The following PARN variants were observed in gnomAD, a reference collection of about 807,000 sequenced individuals.
PARN encodes the protein poly(A)-specific ribonuclease PARN.
Under a neutral mutation model 102.8 loss-of-function variants are expected in PARN, and 71 were observed. That is an observed-to-expected ratio of 0.69 (90% CI 0.57 to 0.84). The LOEUF (loss-of-function observed/expected upper bound fraction) is 0.84. PARN is among the 40% of genes least tolerant of loss of function. The pLI is 0.00. For synonymous variants in PARN, 261 were observed against 252.9 expected (o/e 1.03, Z -0.30); for missense variants, 782 against 760.9 (o/e 1.03, Z -0.33).
At position 14,593,492 on chromosome 16, in the gene PARN, TAAAAAAAAAAAAAAAAAAA is replaced by T. The variant is rs35329440; in HGVS notation, c.841-133_841-115del. The T allele has an allele frequency of 2.5e-3, 78 of 31,812 alleles. 9 individuals carry two copies. In the East Asian group the frequency reaches 0.072, roughly 29 times the overall value. The allele number at this position is 31,812 out of a possible 1,614,324, so 2.0% of individuals were successfully genotyped here. A position where few individuals can be genotyped will look rare whatever the true frequency, so the allele number is the denominator to read the frequency against. On this transcript the variant is annotated intron_variant, in intron 12 of 23. Transcript: ENST00000437198. Reference sequence around the variant, plus strand: ...TTGTACTAAACTCGCTTTCCAGACTTAAAAAAAAAAAAAAAAAAAAAAAAAAAAAAAGTACAAATAAGCT... The same window carrying T: ...TTGTACTAAACTCGCTTTCCAGACTTAAAAAAAAAAAAGTACAAATAAGCT...
At chr16:14,440,395 C>T (rs1462689081) in intron 23 of PARN, among the ~76,000 whole-genome samples, 1 of 152,188 alleles carries the variant, frequency 6.6e-6, no homozygotes, top group Non-Finnish European at 1.5e-5. Context: ...GCCTTGTATA[C>T]TGCTGGGGGA....
chr16:14,617,038 T>C (rs1187799281), intron 6 of PARN, among the ~76,000 whole-genome samples: 1 of 151,096 alleles, frequency 6.6e-6, no homozygotes, highest in Non-Finnish European at 1.5e-5. Context: ...GTATCTATTC[T>C]GTTTAGCTCA....
chr16:14,472,425 T>C (rs1157585980), intron 22 of PARN, among the ~76,000 whole-genome samples: 1 of 152,196 alleles, frequency 6.6e-6, no homozygotes, highest in African/African-American at 2.4e-5. Flanking sequence ...GTGGGGGTGG[T>C]GGAAATTCTT....
At chr16:14,607,745 G>A (rs1041783716) in intron 9 of PARN, among the ~76,000 whole-genome samples, 4 of 152,124 alleles carry the variant, frequency 2.6e-5, no homozygotes, top group Non-Finnish European at 4.4e-5. Flanking sequence ...GATTCCAACA[G>A]AAGAACAAGG....
In PARN at chr16:14,630,222, G is replaced by T; in HGVS notation, c.-97C>A. Reference sequence around the variant, plus strand: ...CGCGGCGACTGCGGCAGTAGCTGAGGCAGCCGCAGCGGTGACGCCGGCCGC... The same window carrying T: ...CGCGGCGACTGCGGCAGTAGCTGAGTCAGCCGCAGCGGTGACGCCGGCCGC... On this transcript the variant is annotated 5_prime_UTR_variant, in exon 1 of 24. Transcript: ENST00000437198. 1 of 1,112,724 alleles carries T rather than the reference G, an allele frequency of 9.0e-7. No individual in the cohort carries two copies. 68.9% of individuals were successfully genotyped at this position (1,112,724 alleles called of 1,614,324 possible). A position where few individuals can be genotyped will look rare whatever the true frequency, so the allele number is the denominator to read the frequency against.
chr16:14,558,367 G>A (rs139046829), intron 18 of PARN: 19 of 152,062 alleles, frequency 1.2e-4, no homozygotes, highest in African/African-American at 3.6e-4. Context: ...GTATGGTGGC[G>A]AGCACCTGTA....
intron 22 of PARN, among the ~76,000 whole-genome samples, chr16:14,462,800 T>C (rs750868055): frequency 2.0e-5 from 3 of 152,128 alleles, no homozygotes; most frequent in Non-Finnish European, 2.9e-5. Flanking sequence ...TGGAATAACA[T>C]AGACTGATTT....
intron 21 of PARN, among the ~76,000 whole-genome samples, chr16:14,498,834 A>G (rs1197955164): frequency 6.6e-6 from 1 of 152,238 alleles, no homozygotes; most frequent in Non-Finnish European, 1.5e-5. Flanking sequence ...ATAAAGAATG[A>G]GGATGTTATT....
At chr16:14,580,249 C>T (rs1969435533) in intron 18 of PARN, among the ~76,000 whole-genome samples, 1 of 151,584 alleles carries the variant, frequency 6.6e-6, no homozygotes, top group African/African-American at 2.4e-5. Flanking sequence ...GGATTACAGG[C>T]GTGAGCCACC....
chr16:14,627,180 T>C lies in PARN; in HGVS notation c.253A>G (p.Thr85Ala). 2 of 1,596,832 alleles carry C rather than the reference T, an allele frequency of 1.3e-6. No individual in the cohort carries two copies. Among genetic ancestry groups the C allele is most frequent in the South Asian group, 1.1e-5 (1 of 89,548 alleles). Residue 85 changes from threonine to alanine, a missense_variant, in exon 5 of 24, where the codon ACG (threonine) becomes GCG (alanine). By Grantham distance (58) the Thr-to-Ala change is moderately conservative. Transcript: ENST00000437198. ...KYDYTDSKYITKSFNFYVFPK... is the reference protein window; with the variant it reads ...KYDYTDSKYIAKSFNFYVFPK... ...AAAACATAGAAGTTAAATGACTTCG[T>C]TATATACCTGGGATAAGATAAAAGG...
rs796444124 is a variant in PARN, at chr16:14,437,755, A to T, written c.1865-983T>A. Among the ~76,000 whole-genome samples, 7 of 152,212 alleles carry T rather than the reference A, an allele frequency of 4.6e-5. No individual in the cohort carries two copies. The South Asian group carries it at 1.5e-3, about 32-fold the overall frequency. The stretch of plus-strand genomic sequence containing the variant: ...CACCAAGATTTTAGAAAGGGAGAGA[A>T]GTCTTTGATGATACCTCCAATGGGA... On this transcript the variant is annotated intron_variant, in intron 23 of 23. Coordinates refer to ENST00000437198, the MANE Select transcript of PARN (RefSeq NM_002582.4).
chr16:14,614,458 A>T (rs748062274), intron 6 of PARN, among the ~76,000 whole-genome samples: 6 of 152,148 alleles, frequency 3.9e-5, no homozygotes, highest in Non-Finnish European at 7.3e-5. Context: ...GAATTATAAC[A>T]CACCAAAGCC....
In PARN at chr16:14,514,729, G is replaced by A. The variant is rs545804856; in HGVS notation, c.1481-31902C>T. On this transcript the variant is annotated intron_variant, in intron 21 of 23. Coordinates refer to ENST00000437198, the MANE Select transcript of PARN (RefSeq NM_002582.4). The stretch of plus-strand genomic sequence containing the variant: ...TAACTTTTTAGATAGTTCACTAAGA[G>A]CAAAATCTGTAATTCGGCCAGAAGG... 1.8e-4 allele frequency among the ~76,000 whole-genome samples: 27 copies of A among 152,316 alleles called. No homozygotes were observed. In the South Asian group the frequency reaches 3.9e-3, roughly 22 times the overall value.
chr16:14,563,717 T>C (rs1968252412), intron 18 of PARN, among the ~76,000 whole-genome samples: 1 of 150,984 alleles, frequency 6.6e-6, no homozygotes, highest in African/African-American at 2.4e-5. Flanking sequence ...TTTTTTTTAG[T>C]TATACAATTA....
intron 21 of PARN, among the ~76,000 whole-genome samples, 187 bp downstream of exon 21, chr16:14,551,834 T>C (rs980747946): frequency 6.6e-6 from 1 of 152,196 alleles, no homozygotes; most frequent in African/African-American, 2.4e-5. Flanking sequence ...AAAAGAGATT[T>C]GTCTTATTTT....
chr16:14,496,156 A>C (rs1964305213), intron 21 of PARN, among the ~76,000 whole-genome samples: 1 of 152,236 alleles, frequency 6.6e-6, no homozygotes, highest in African/African-American at 2.4e-5. Flanking sequence ...TGGCCTGCTG[A>C]AGATGGCGAT....
At chr16:14,488,486 T>A (rs183905440) in intron 21 of PARN, among the ~76,000 whole-genome samples, 15 of 152,244 alleles carry the variant, frequency 9.9e-5, no homozygotes, top group African/African-American at 3.6e-4. Context: ...GACATTCAAC[T>A]GACAGGATTA....
chr16:14,513,806 G>C (rs1250286501), intron 21 of PARN, among the ~76,000 whole-genome samples: 1 of 152,172 alleles, frequency 6.6e-6, no homozygotes, highest in Non-Finnish European at 1.5e-5. Flanking sequence ...AAGCCTCCCT[G>C]ACTGCCGCAG....
chr16:14,598,580 T>C (rs1970669302), intron 12 of PARN, among the ~76,000 whole-genome samples: 3 of 152,216 alleles, frequency 2.0e-5, no homozygotes, highest in East Asian at 3.8e-4. Flanking sequence ...TCTGCTTTTC[T>C]GGATACCTGT....
Sources: allele counts gnomAD v4.1 joint callset (sites outside exome capture counted in the v4.1 genomes callset), GRCh38; gene constraint gnomAD v4.1.1; transcripts MANE v1.5; gene names NCBI Gene and HGNC (gene_info 2026-07-23, HGNC 2026-07-21).